The following MAPK4 variants were observed in gnomAD, a reference collection of about 807,000 sequenced individuals.
The protein encoded by MAPK4 is Erk3-related.
In MAPK4, 22 loss-of-function variants were observed where a neutral mutation model predicts 47.7. That is an observed-to-expected ratio of 0.46 (90% CI 0.33 to 0.66). The LOEUF (loss-of-function observed/expected upper bound fraction) is 0.66. Ranked by LOEUF, MAPK4 falls within the 30% of genes least tolerant of loss-of-function variation. The pLI is 0.02. For synonymous variants in MAPK4, 390 were observed against 365.7 expected, an observed-to-expected ratio of 1.07 and a Z score of -0.76; for missense variants, 736 against 831.7, an observed-to-expected ratio of 0.88 and a Z score of 1.42.
intron 1 of MAPK4, among the ~76,000 whole-genome samples, chr18:50,643,940 G>C (rs2042964802): frequency 6.6e-6 from 1 of 151,650 alleles, no homozygotes; most frequent in Non-Finnish European, 1.5e-5. Flanking sequence ...TTCCCGTCCT[G>C]TTCTCTTCAT....
intron 1 of MAPK4, among the ~76,000 whole-genome samples, chr18:50,630,468 T>G (rs1174713790): frequency 6.6e-6 from 1 of 152,132 alleles, no homozygotes; most frequent in Non-Finnish European, 1.5e-5. Flanking sequence ...GGATTACAGG[T>G]GTTAGCCACT....
intron 1 of MAPK4, among the ~76,000 whole-genome samples, chr18:50,628,413 G>C (rs1387604952): frequency 1.3e-5 from 2 of 152,140 alleles, no homozygotes; most frequent in African/African-American, 4.8e-5. Flanking sequence ...ATCCTTGCAG[G>C]GTCCTGGAAG....
chr18:50,719,003 G>T (rs1910781955), intron 3 of MAPK4, among the ~76,000 whole-genome samples: 1 of 146,086 alleles, frequency 6.8e-6, no homozygotes, highest in Non-Finnish European at 1.5e-5. Flanking sequence ...GGAATTGCTT[G>T]AACCAGGACG....
intron 2 of MAPK4, among the ~76,000 whole-genome samples, chr18:50,702,422 A>G (rs1034735020): frequency 7.2e-5 from 11 of 152,274 alleles, no homozygotes; most frequent in African/African-American, 2.6e-4. Flanking sequence ...CAAAATTGTC[A>G]CAGAAGAGAA....
chr18:50,643,032 A>G (rs928365036), intron 1 of MAPK4, among the ~76,000 whole-genome samples: 7 of 151,864 alleles, frequency 4.6e-5, no homozygotes, highest in East Asian at 1.9e-4. Flanking sequence ...TCTCAACTCA[A>G]TATGAGAATA....
At chr18:50,667,401 G>C (rs1218395380) in intron 2 of MAPK4, among the ~76,000 whole-genome samples, 1 of 152,184 alleles carries the variant, frequency 6.6e-6, no homozygotes, top group Non-Finnish European at 1.5e-5. Flanking sequence ...CATTGATTTT[G>C]TGTGGTTGGA....
chr18:50,611,510 G>A (rs1400220271), intron 1 of MAPK4, among the ~76,000 whole-genome samples: 1 of 152,238 alleles, frequency 6.6e-6, no homozygotes, highest in East Asian at 1.9e-4. Flanking sequence ...CCAAATGAGT[G>A]AGCACAGCTG....
intron 1 of MAPK4, among the ~76,000 whole-genome samples, chr18:50,590,151 T>G (rs2042424788): frequency 6.6e-6 from 1 of 152,236 alleles, no homozygotes; most frequent in Non-Finnish European, 1.5e-5. Context: ...AGGCCTATCT[T>G]GATGCCCAGG....
At chr18:50,670,111 A>G (rs1039642198) in intron 2 of MAPK4, 10 of 148,782 alleles carry the variant, frequency 6.7e-5, no homozygotes, top group African/African-American at 2.5e-4. Context: ...GTGAGCCGAG[A>G]TCGTGCCACT....
intron 1 of MAPK4, among the ~76,000 whole-genome samples, chr18:50,585,751 A>T (rs1271163076): frequency 1.3e-5 from 2 of 152,200 alleles, no homozygotes; most frequent in Non-Finnish European, 2.9e-5. Flanking sequence ...GGTTTAATTG[A>T]CTTACAGTTC....
intron 2 of MAPK4, among the ~76,000 whole-genome samples, chr18:50,711,432 G>T (rs78069101): frequency 0.014 from 2,197 of 152,364 alleles, 40 homozygotes; most frequent in East Asian, 0.059. Flanking sequence ...CTCCCATCTT[G>T]TTTCTTGTGC....
chr18:50,650,510 C>T (rs1428714002), intron 1 of MAPK4, among the ~76,000 whole-genome samples: 3 of 152,212 alleles, frequency 2.0e-5, no homozygotes, highest in African/African-American at 7.2e-5. Context: ...CTTGGTTACA[C>T]CTGAACAGAG....
chr18:50,576,250 A>G (rs1198346259), intron 1 of MAPK4, among the ~76,000 whole-genome samples: 4 of 152,340 alleles, frequency 2.6e-5, no homozygotes, highest in African/African-American at 9.6e-5. Context: ...CTAAATGCCC[A>G]TTAACAATGG....
At position 50,727,932 on chromosome 18, in the gene MAPK4, C is replaced by T. The variant is rs115265143; in HGVS notation, c.1068-1226C>T. 2.6e-5 allele frequency among the ~76,000 whole-genome samples: 4 copies of T among 152,234 alleles called. No individual in the cohort carries two copies. The East Asian group carries it at 5.8e-4, about 22-fold the overall frequency. The stretch of plus-strand genomic sequence containing the variant: ...TTGGAATAGAGCAGCCAAGGGTCAG[C>T]GTCTTCACACACTCTTCCTCCTGGA... On this transcript the variant is annotated intron_variant, in intron 5 of 5. Coordinates refer to ENST00000400384, the MANE Select transcript of MAPK4 (RefSeq NM_002747.4).
intron 1 of MAPK4, among the ~76,000 whole-genome samples, chr18:50,615,454 T>C (rs1267802197): frequency 6.6e-6 from 1 of 152,208 alleles, no homozygotes; most frequent in Non-Finnish European, 1.5e-5. Flanking sequence ...TGGCTCAGAA[T>C]GGCTCCCATT....
At chr18:50,716,770 T>C (rs950091082) in intron 3 of MAPK4, among the ~76,000 whole-genome samples, 2 of 151,954 alleles carry the variant, frequency 1.3e-5, no homozygotes, top group East Asian at 3.9e-4. Context: ...CTGTGAGTGC[T>C]CTCCCCACCT....
intron 1 of MAPK4, among the ~76,000 whole-genome samples, chr18:50,657,966 C>T (rs1302105900): frequency 2.0e-5 from 3 of 152,026 alleles, no homozygotes; most frequent in Non-Finnish European, 4.4e-5. Flanking sequence ...CAGCTACAGG[C>T]CGTGCTAGTC....
At chr18:50,573,379 C>T (rs760106632) in intron 1 of MAPK4, among the ~76,000 whole-genome samples, 13 of 152,264 alleles carry the variant, frequency 8.5e-5, no homozygotes, top group Admixed American at 2.0e-4. Context: ...TATTTACAGC[C>T]GCTCCCCATG....
At chr18:50,722,671 A>T (rs1050522468) in intron 4 of MAPK4, among the ~76,000 whole-genome samples, 2 of 152,214 alleles carry the variant, frequency 1.3e-5, no homozygotes, top group African/African-American at 4.8e-5. Context: ...TGACAGGTGC[A>T]GAACAAGGGA....
Sources: gnomAD v4.1 joint callset for allele counts (sites outside exome capture counted in the v4.1 genomes callset) on GRCh38, gnomAD v4.1.1 for gene constraint, MANE v1.5 for transcripts, NCBI Gene and HGNC (gene_info 2026-07-23, HGNC 2026-07-21) for gene names.